The following FAM186B variants were observed in gnomAD, a reference collection of about 807,000 sequenced individuals.
FAM186B encodes the protein family with sequence similarity 186 member B.
In FAM186B, 68 loss-of-function variants were observed where a neutral mutation model predicts 83.4. The ratio of observed to expected loss-of-function variants is 0.81; its 90% CI spans 0.67 to 1.00. The LOEUF (loss-of-function observed/expected upper bound fraction) is 1.00, where lower values mean the gene tolerates loss of function less well. FAM186B is among the 50% of genes least tolerant of loss of function. The pLI, the probability that FAM186B is intolerant of heterozygous loss-of-function variation, is 0.00. For synonymous variants in FAM186B, 389 were observed against 422.0 expected (o/e 0.92, Z 0.96); for missense variants, 983 against 1,099.2 (o/e 0.89, Z 1.49).
the FAM186B span, among the ~76,000 whole-genome samples, chr12:49,615,187 A>C: frequency 1.3e-5 from 2 of 152,178 alleles, no homozygotes; most frequent in Non-Finnish European, 2.9e-5. Flanking sequence ...TGATGGGTAC[A>C]CTTAAATCTC....
upstream of FAM186B, among the ~76,000 whole-genome samples, chr12:49,606,702 T>C (rs531850284): frequency 1.1e-4 from 17 of 152,348 alleles, no homozygotes; most frequent in African/African-American, 3.8e-4. Context: ...ATTCCAGCAC[T>C]TCTCTTGCAG....
At chr12:49,583,371 A>C (rs1939375825), downstream of FAM186B, 3 of 263,364 alleles carry the variant, frequency 1.1e-5, no homozygotes, top group South Asian at 8.0e-5. Context: ...AGGTTATAAA[A>C]ATGCTTTCTA....
In FAM186B at chr12:49,603,075, T is replaced by A. The variant is rs546746415; in HGVS notation, c.505+110A>T. ...CTGCCCATCCATCTCAAATCAAACT[T>A]CTGTGATGGAGGAGAATCAGAAAGA... On this transcript the variant is annotated intron_variant, in intron 3 of 6. Coordinates refer to ENST00000257894, the MANE Select transcript of FAM186B (RefSeq NM_032130.3). The A allele has an allele frequency of 1.6e-5, 19 of 1,219,444 alleles. No individual in the cohort carries two copies. The East Asian group carries it at 4.3e-4, about 27-fold the overall frequency. The allele number at this position is 1,219,444 out of a possible 1,614,324, so 75.5% of individuals were successfully genotyped here.
chr12:49,612,583 T>C, the FAM186B span, among the ~76,000 whole-genome samples: 1 of 151,994 alleles, frequency 6.6e-6, no homozygotes, highest in African/African-American at 2.4e-5. Context: ...GTGTATTTTA[T>C]GTTTGAGCCA....
the FAM186B span, among the ~76,000 whole-genome samples, chr12:49,614,791 T>C: frequency 6.6e-6 from 1 of 151,982 alleles, no homozygotes; most frequent in Non-Finnish European, 1.5e-5. Flanking sequence ...GCAATGGACT[T>C]TGGGGACTCA....
intron 1 of FAM186B, 37 bp downstream of exon 1, chr12:49,605,345 C>T (rs759354642): frequency 3.8e-6 from 6 of 1,594,580 alleles, no homozygotes; most frequent in Non-Finnish European, 5.1e-6. Flanking sequence ...CGCATCAGAT[C>T]CCAATGTAAG....
chr12:49,592,209 C>T (rs891606278), intron 5 of FAM186B, among the ~76,000 whole-genome samples: 1 of 152,222 alleles, frequency 6.6e-6, no homozygotes, highest in Non-Finnish European at 1.5e-5. Context: ...TGCAGTGGCT[C>T]ACGCCTGTAA....
chr12:49,586,366 C>G (rs768406284), downstream of FAM186B, among the ~76,000 whole-genome samples: 1 of 152,080 alleles, frequency 6.6e-6, no homozygotes, highest in Non-Finnish European at 1.5e-5. Context: ...AAAATGAATC[C>G]CGTTTCTCAC....
chr12:49,584,989 T>A (rs1939409963), downstream of FAM186B, among the ~76,000 whole-genome samples: 1 of 152,140 alleles, frequency 6.6e-6, no homozygotes, highest in African/African-American at 2.4e-5. Context: ...TGCATCTCGG[T>A]GTACACGTGT....
the FAM186B span, among the ~76,000 whole-genome samples, chr12:49,612,778 T>C: frequency 3.6e-3 from 554 of 152,234 alleles, no homozygotes; most frequent in Middle Eastern, 0.034. Context: ...AACCACATAA[T>C]AATATTGGGA....
Position 49,599,739 on chromosome 12 carries a change from G to A in FAM186B, c.1901C>T (p.Ser634Phe). The part of the protein sequence containing the change: ...RVPTKPKKSA[S>F]FPVTGTSIRR... ...GATGGATGTCCCAGTGACAGGAAAG[G>A]AGGCAGATTTCTTGGGCTTTGTGGG... Residue 634 changes from serine to phenylalanine, a missense_variant, in exon 4 of 7, where the codon TCC becomes TTC. Physicochemically the swap from Ser to Phe is radical, Grantham distance 155. Coordinates refer to ENST00000257894, the MANE Select transcript of FAM186B (RefSeq NM_032130.3). The A allele has an allele frequency of 1.9e-6, 3 of 1,614,124 alleles. No homozygotes were observed. The highest frequency in any genetic ancestry group is 1.7e-6 in the Non-Finnish European group (2 of 1,180,002).
At chr12:49,588,183 G>C (rs543482036) in intron 6 of FAM186B, among the ~76,000 whole-genome samples, 44 of 152,334 alleles carry the variant, frequency 2.9e-4, no homozygotes, top group African/African-American at 1.0e-3. Flanking sequence ...TAAGTTTTCA[G>C]GTGTGGGTCC....
chr12:49,589,286 C>T (rs778286752), intron 5 of FAM186B, among the ~76,000 whole-genome samples: 5 of 152,144 alleles, frequency 3.3e-5, no homozygotes, highest in Non-Finnish European at 7.4e-5. Context: ...AGGGCAGGTC[C>T]CAGCAGGCTC....
At chr12:49,593,643 A>AAG (rs762181564) in intron 5 of FAM186B, among the ~76,000 whole-genome samples, 1 of 150,162 alleles carries the variant, frequency 6.7e-6, no homozygotes, top group Non-Finnish European at 1.5e-5. Flanking sequence ...AAAAAAAAAA[A>AAG]AAAGAAAAGA....
At chr12:49,601,874 A>T (rs906244578) in intron 3 of FAM186B, among the ~76,000 whole-genome samples, 4 of 152,062 alleles carry the variant, frequency 2.6e-5, no homozygotes, top group Non-Finnish European at 5.9e-5. Context: ...TCACTGGTGG[A>T]AAAAACAATG....
intron 6 of FAM186B, 99 bp from the exon 7 acceptor site, chr12:49,587,851 T>C (rs901014559): frequency 3.0e-6 from 4 of 1,342,440 alleles, no homozygotes; most frequent in Non-Finnish European, 4.1e-6. Flanking sequence ...CTTTGTCTCC[T>C]TCCCTTCTCA....
At chr12:49,595,251 A>G in intron 5 of FAM186B, 1 of 701,360 alleles carries the variant, frequency 1.4e-6, no homozygotes, top group Non-Finnish European at 2.5e-6. Flanking sequence ...AAGACCCAGT[A>G]CAGTGTAGCC....
chr12:49,599,410 T>C, intron 4 of FAM186B, 59 bp downstream of exon 4: 2 of 1,496,560 alleles, frequency 1.3e-6, no homozygotes, highest in South Asian at 1.4e-5. Context: ...CCACTGGGTT[T>C]AGGCTCTGCC....
chr12:49,617,099 C>G, the FAM186B span, among the ~76,000 whole-genome samples: 1 of 152,160 alleles, frequency 6.6e-6, no homozygotes, highest in African/African-American at 2.4e-5. Context: ...AGCTTGGTGG[C>G]CGGCTACAAC....
Sources: allele counts gnomAD v4.1 joint callset (sites outside exome capture counted in the v4.1 genomes callset), GRCh38; gene constraint gnomAD v4.1.1; transcripts MANE v1.5; gene names NCBI Gene and HGNC (gene_info 2026-07-23, HGNC 2026-07-21).